The following STX2 variants were observed in gnomAD, a reference collection of about 807,000 sequenced individuals.
The protein encoded by STX2 is syntaxin-2.
Under a neutral mutation model 40.6 loss-of-function variants are expected in STX2, and 27 were observed. The observed-to-expected ratio is 0.66, with a 90% CI of 0.49 to 0.92. The LOEUF is 0.92. Among genes scored for constraint, STX2 ranks in the 40% least tolerant of loss-of-function variants. The pLI is 0.00. For missense variants in STX2, 328 were observed against 366.1 expected (o/e 0.90, Z 0.85); for synonymous variants, 123 against 119.1 (o/e 1.03, Z -0.22).
At chr12:130,818,334 G>A (rs1304511211) in intron 3 of STX2, among the ~76,000 whole-genome samples, 1 of 149,198 alleles carries the variant, frequency 6.7e-6, no homozygotes, top group African/African-American at 2.5e-5. Context: ...CTGAGATCAC[G>A]CAGCTGCACT....
intron 10 of STX2, among the ~76,000 whole-genome samples, chr12:130,794,552 G>A (rs1054907321): frequency 1.3e-5 from 2 of 152,188 alleles, no homozygotes; most frequent in East Asian, 3.8e-4. Flanking sequence ...CTGGAGTGCC[G>A]TGGTGCGATC....
At chr12:130,805,003 G>C (rs185676807) in intron 6 of STX2, among the ~76,000 whole-genome samples, 1 of 152,114 alleles carries the variant, frequency 6.6e-6, no homozygotes, top group African/African-American at 2.4e-5. Context: ...GAGATGGTGC[G>C]GGGCCTTCAA....
chr12:130,830,867 T>C (rs4759523), intron 1 of STX2, among the ~76,000 whole-genome samples: 74,377 of 152,108 alleles, frequency 0.49, 20,380 homozygotes, highest in East Asian at 0.87. Flanking sequence ...GTGGCAAACA[T>C]TTACTAAAAG....
intron 3 of STX2, among the ~76,000 whole-genome samples, chr12:130,815,868 G>A (rs1951839069): frequency 6.6e-6 from 1 of 152,044 alleles, no homozygotes; most frequent in Non-Finnish European, 1.5e-5. Context: ...ATATTAGTTT[G>A]GATATTATAT....
intron 9 of STX2, 174 bp downstream of exon 9, chr12:130,798,351 C>T: frequency 2.3e-6 from 1 of 441,892 alleles, no homozygotes; most frequent in South Asian, 4.6e-5. Flanking sequence ...ACAAATAATT[C>T]ATCTAATAAA....
chr12:130,822,684 T>C (rs750439986), intron 2 of STX2, among the ~76,000 whole-genome samples: 3 of 152,170 alleles, frequency 2.0e-5, no homozygotes, highest in African/African-American at 4.8e-5. Flanking sequence ...GGGCAAAAGA[T>C]ACTTTGCAGA....
intron 2 of STX2, among the ~76,000 whole-genome samples, chr12:130,826,223 C>A (rs955316563): frequency 4.6e-5 from 7 of 152,230 alleles, no homozygotes; most frequent in Non-Finnish European, 1.0e-4. Context: ...GGACGGATGG[C>A]AGTGCTGGTG....
chr12:130,834,613 T>C (rs578166421), intron 1 of STX2, among the ~76,000 whole-genome samples: 92 of 152,184 alleles, frequency 6.0e-4, no homozygotes, highest in Non-Finnish European at 1.2e-3. Flanking sequence ...AAGTGATTAA[T>C]CTGTAAAAAC....
intron 3 of STX2, among the ~76,000 whole-genome samples, chr12:130,814,722 C>T (rs1370085438): frequency 2.0e-5 from 3 of 150,182 alleles, no homozygotes; most frequent in Non-Finnish European, 4.4e-5. Flanking sequence ...TTGCAACTTC[C>T]GCCTCCTGGG....
In STX2 at chr12:130,801,400, C is replaced by A; in HGVS notation, c.537+15G>T. 6.2e-7 allele frequency: 1 copy of A among 1,603,938 alleles called. No individual in the cohort carries two copies. The highest frequency in any genetic ancestry group is 1.3e-5 in the African/African-American group (1 of 74,608). On this transcript the variant is annotated intron_variant, in intron 7 of 10. Transcript: ENST00000392373. ...AGAAGAGGACATGGAGCCACAGGGC[C>A]GCACCCCCACTCACGTCGGAAGTGA...
intron 3 of STX2, 23 bp downstream of exon 3, chr12:130,821,666 T>G (rs1170414981): frequency 6.3e-7 from 1 of 1,590,888 alleles, no homozygotes; most frequent in East Asian, 2.2e-5. Context: ...ACAAACGTTT[T>G]GTTGTGAAAA....
chr12:130,825,032 T>C (rs968254429), intron 2 of STX2, among the ~76,000 whole-genome samples: 1 of 150,932 alleles, frequency 6.6e-6, no homozygotes, highest in Non-Finnish European at 1.5e-5. Context: ...ACAATGTAAC[T>C]TTTCTGTTCT....
intron 10 of STX2, 65 bp downstream of exon 10, chr12:130,795,930 T>C: frequency 3.9e-6 from 6 of 1,521,698 alleles, no homozygotes; most frequent in Non-Finnish European, 5.3e-6. Context: ...CTATTACAAT[T>C]AAGCAAATAC....
intron 10 of STX2, among the ~76,000 whole-genome samples, chr12:130,793,780 A>T (rs751413734): frequency 1.2e-4 from 19 of 152,234 alleles, no homozygotes; most frequent in Non-Finnish European, 2.6e-4. Flanking sequence ...GAGGGGCAGC[A>T]GCCAGCCCCA....
intron 1 of STX2, among the ~76,000 whole-genome samples, chr12:130,838,233 G>C (rs1166702834): frequency 6.6e-6 from 1 of 152,208 alleles, no homozygotes; most frequent in African/African-American, 2.4e-5. Context: ...GGCCTAAGCC[G>C]TCCTGGGTTA....
chr12:130,815,964 A>G, intron 3 of STX2, among the ~76,000 whole-genome samples: 1 of 152,188 alleles, frequency 6.6e-6, no homozygotes, highest in East Asian at 1.9e-4. Flanking sequence ...AATGCCTTAT[A>G]AAATGGGGCA....
chr12:130,807,299 C>T (rs1426173749), intron 5 of STX2, among the ~76,000 whole-genome samples: 4 of 152,226 alleles, frequency 2.6e-5, no homozygotes, highest in Admixed American at 6.5e-5. Context: ...CCTACTATGC[C>T]GGTCACAACC....
At chr12:130,820,992 T>C (rs1485452140) in intron 3 of STX2, among the ~76,000 whole-genome samples, 1 of 152,208 alleles carries the variant, frequency 6.6e-6, no homozygotes, top group Non-Finnish European at 1.5e-5. Context: ...AACTCTCTTC[T>C]CTATAGCTCC....
chr12:130,807,152 G>T, intron 5 of STX2, 62 bp from the exon 6 acceptor site: 1 of 1,504,248 alleles, frequency 6.6e-7, no homozygotes, highest in Non-Finnish European at 9.2e-7. Context: ...AAAGTGACAT[G>T]CAAGACATGC....
Sources: gnomAD v4.1 joint callset for allele counts (sites outside exome capture counted in the v4.1 genomes callset) on GRCh38, gnomAD v4.1.1 for gene constraint, MANE v1.5 for transcripts, NCBI Gene and HGNC (gene_info 2026-07-23, HGNC 2026-07-21) for gene names.